The following CCDC192 variants were observed in gnomAD, a reference collection of about 807,000 sequenced individuals.
CCDC192 encodes the protein coiled-coil domain-containing protein 192.
chr5:127,794,154 G>T (rs972089728), intron 3 of CCDC192, among the ~76,000 whole-genome samples: 2 of 152,126 alleles, frequency 1.3e-5, no homozygotes, highest in African/African-American at 4.8e-5. Flanking sequence ...CTCCTTATAC[G>T]ATAACTGTTG....
intron 2 of CCDC192, among the ~76,000 whole-genome samples, chr5:127,713,550 T>G (rs923118576): frequency 6.6e-6 from 1 of 152,084 alleles, no homozygotes; most frequent in East Asian, 1.9e-4. Context: ...TGAACAGAAG[T>G]TTTTTATTTT....
chr5:127,913,926 G>A lies in CCDC192; in HGVS notation c.536-27256G>A, dbSNP rs111506896. On this transcript the variant is annotated intron_variant, in intron 6 of 6. Coordinates refer to ENST00000514853, the MANE Select transcript of CCDC192 (RefSeq NM_001317938.2). ...AAGAACAGGGATGAAGGAATACATA[G>A]CTATGCCTAACAATTTGAGTTTGCT... Among the ~76,000 whole-genome samples the A allele has an allele frequency of 5.1e-4, 78 of 152,288 alleles. 1 individual carries two copies. The highest frequency in any genetic ancestry group is 1.8e-3 in the African/African-American group (75 of 41,570).
At chr5:127,912,419 C>CGAAAAAAAAAAA (rs755334662) in intron 6 of CCDC192, among the ~76,000 whole-genome samples, 2 of 81,452 alleles carry the variant, frequency 2.5e-5, no homozygotes, top group Non-Finnish European at 4.5e-5. Flanking sequence ...CTGGGTTTAG[C>CGAAAAAAAAAAA]AAAAAAAAAA....
At chr5:127,873,470 G>A (rs376872894) in intron 5 of CCDC192, among the ~76,000 whole-genome samples, 1 of 152,100 alleles carries the variant, frequency 6.6e-6, no homozygotes, top group African/African-American at 2.4e-5. Flanking sequence ...GGTTTAACAC[G>A]TATCTATTGT....
intron 6 of CCDC192, among the ~76,000 whole-genome samples, chr5:127,882,162 C>T (rs1752381726): frequency 6.6e-6 from 1 of 152,210 alleles, no homozygotes; most frequent in Admixed American, 6.5e-5. Flanking sequence ...GAGCCAGCTA[C>T]ACTTTTGAGG....
At chr5:127,779,428 T>C (rs962871129) in intron 3 of CCDC192, among the ~76,000 whole-genome samples, 1 of 152,086 alleles carries the variant, frequency 6.6e-6, no homozygotes, top group Non-Finnish European at 1.5e-5. Flanking sequence ...CCCAAGTAGC[T>C]GGGACTACAG....
chr5:127,710,786 C>A (rs1016286217), intron 2 of CCDC192, among the ~76,000 whole-genome samples: 1 of 151,988 alleles, frequency 6.6e-6, no homozygotes, highest in Non-Finnish European at 1.5e-5. Flanking sequence ...AATTGAGATT[C>A]GGGGAGATTC....
At chr5:127,889,929 T>TA (rs1181441019) in intron 6 of CCDC192, among the ~76,000 whole-genome samples, 1 of 152,314 alleles carries the variant, frequency 6.6e-6, no homozygotes, top group East Asian at 1.9e-4. Context: ...TTCTGGTTCT[T>TA]ACTGCATTCC....
intron 5 of CCDC192, among the ~76,000 whole-genome samples, chr5:127,853,267 C>T (rs1351838294): frequency 6.6e-6 from 1 of 152,164 alleles, no homozygotes; most frequent in Non-Finnish European, 1.5e-5. Context: ...ATGGGATCCT[C>T]AGTATCCCTT....
At chr5:127,745,255 G>A (rs1286924180) in intron 2 of CCDC192, among the ~76,000 whole-genome samples, 1 of 152,216 alleles carries the variant, frequency 6.6e-6, no homozygotes, top group Non-Finnish European at 1.5e-5. Flanking sequence ...TTTTAGGACA[G>A]AGAAATAAAG....
chr5:127,848,198 C>T (rs1391733034), intron 5 of CCDC192, among the ~76,000 whole-genome samples: 1 of 152,140 alleles, frequency 6.6e-6, no homozygotes, highest in Non-Finnish European at 1.5e-5. Context: ...TGAAGCATTT[C>T]TGTGTCCTCC....
intron 5 of CCDC192, among the ~76,000 whole-genome samples, chr5:127,815,966 A>T (rs146379299): frequency 1.3e-5 from 2 of 152,252 alleles, no homozygotes; most frequent in African/African-American, 4.8e-5. Flanking sequence ...TTAAATATAC[A>T]GTATGTATAT....
chr5:127,895,766 G>A (rs1752862354), intron 6 of CCDC192, among the ~76,000 whole-genome samples: 1 of 151,940 alleles, frequency 6.6e-6, no homozygotes, highest in African/African-American at 2.4e-5. Flanking sequence ...CTTGAAGCCT[G>A]GGAGGCAGAT....
intron 3 of CCDC192, among the ~76,000 whole-genome samples, chr5:127,758,783 G>GT (rs879310819): frequency 5.9e-5 from 9 of 152,172 alleles, no homozygotes; most frequent in Non-Finnish European, 1.3e-4. Flanking sequence ...ATAAAAAATA[G>GT]TTTTTTCATG....
At chr5:127,841,249 A>C (rs980111389) in intron 5 of CCDC192, among the ~76,000 whole-genome samples, 1 of 152,212 alleles carries the variant, frequency 6.6e-6, no homozygotes, top group Admixed American at 6.5e-5. Flanking sequence ...TTTGAGGCTC[A>C]AGAGAACAAA....
chr5:127,761,732 A>G (rs926686427), intron 3 of CCDC192, among the ~76,000 whole-genome samples: 2 of 152,106 alleles, frequency 1.3e-5, no homozygotes, highest in Admixed American at 1.3e-4. Flanking sequence ...AGTTTTAACT[A>G]TTTTGCTAAT....
intron 6 of CCDC192, among the ~76,000 whole-genome samples, chr5:127,915,802 C>T (rs543621803): frequency 1.7e-4 from 26 of 152,172 alleles, no homozygotes; most frequent in South Asian, 6.2e-4. Context: ...CCAATGTGGC[C>T]TAAGGAGGCC....
intron 5 of CCDC192, among the ~76,000 whole-genome samples, chr5:127,857,156 TC>T (rs1441229206): frequency 1.3e-5 from 2 of 152,184 alleles, no homozygotes; most frequent in African/African-American, 2.4e-5. Flanking sequence ...GAGCTACATC[TC>T]CATGATACCA....
At chr5:127,741,359 A>T (rs1265139887) in intron 2 of CCDC192, among the ~76,000 whole-genome samples, 2 of 152,198 alleles carry the variant, frequency 1.3e-5, no homozygotes, top group Non-Finnish European at 2.9e-5. Flanking sequence ...CAGCACACCC[A>T]GCCTGTAATT....
Sources: allele counts gnomAD v4.1 joint callset (sites outside exome capture counted in the v4.1 genomes callset), GRCh38; gene constraint gnomAD v4.1.1; transcripts MANE v1.5; gene names NCBI Gene and HGNC (gene_info 2026-07-23, HGNC 2026-07-21).